ADAMTS19: variants seen among roughly 807,000 people sequenced by gnomAD.
ADAMTS19 encodes the protein ADAM metallopeptidase with thrombospondin type 1 motif 19.
In ADAMTS19, 93 loss-of-function variants were observed where a neutral mutation model predicts 153.3. The observed-to-expected ratio is 0.61, with a 90% confidence interval of 0.51 to 0.72. The LOEUF is 0.72. Among genes scored for constraint, ADAMTS19 ranks in the 30% least tolerant of loss-of-function variants. The probability of loss-of-function intolerance (pLI) is 0.00; values close to 1 mark genes in which losing one functional copy is unlikely to be tolerated. For synonymous variants in ADAMTS19, 600 were observed against 556.6 expected, an observed-to-expected ratio of 1.08 and a Z score of -1.10; for missense variants, 1,482 against 1,552.1, an observed-to-expected ratio of 0.95 and a Z score of 0.76.
At chr5:129,498,863 A>C (rs1233245081) in intron 2 of ADAMTS19, among the ~76,000 whole-genome samples, 2 of 143,128 alleles carry the variant, frequency 1.4e-5, no homozygotes, top group Non-Finnish European at 3.0e-5. Flanking sequence ...AGAATTTCTT[A>C]AGTGTATTTT....
intron 6 of ADAMTS19, among the ~76,000 whole-genome samples, chr5:129,542,730 T>TA (rs1244300174): frequency 6.6e-6 from 1 of 152,182 alleles, no homozygotes; most frequent in Non-Finnish European, 1.5e-5. Flanking sequence ...TTCAGAAAGA[T>TA]ATATATATTT....
intron 19 of ADAMTS19, among the ~76,000 whole-genome samples, chr5:129,698,633 T>C (rs1755680272): frequency 6.6e-6 from 1 of 152,202 alleles, no homozygotes. Context: ...TTTTTATAAT[T>C]ATATTGAGGA....
At position 129,707,481 on chromosome 5, in the gene ADAMTS19, T is replaced by C. The variant is rs552507042; in HGVS notation, c.3312+3090T>C. On this transcript the variant is annotated intron_variant, in intron 21 of 22. Transcript: ENST00000274487. ...AACAGTGTGCACAAATTAAAACCAG[T>C]GGCTCCACGTGAATTTTATTGGTTT... is the stretch of plus-strand genomic sequence containing the variant. Among the ~76,000 whole-genome samples the C allele has an allele frequency of 3.9e-5, 6 of 152,328 alleles. No homozygotes were observed. The South Asian group carries it at 1.2e-3, about 32-fold the overall frequency.
At chr5:129,545,785 G>T (rs937897565) in intron 6 of ADAMTS19, among the ~76,000 whole-genome samples, 3 of 150,816 alleles carry the variant, frequency 2.0e-5, no homozygotes, top group Non-Finnish European at 2.9e-5. Flanking sequence ...TACACTGTTG[G>T]TGGGACTGTA....
At chr5:129,531,953 A>G (rs1038986556) in intron 6 of ADAMTS19, among the ~76,000 whole-genome samples, 11 of 152,188 alleles carry the variant, frequency 7.2e-5, no homozygotes, top group African/African-American at 2.7e-4. Flanking sequence ...TACAAATGGA[A>G]TATCTGGACA....
At chr5:129,464,647 C>T (rs1274483681) in intron 2 of ADAMTS19, among the ~76,000 whole-genome samples, 1 of 152,208 alleles carries the variant, frequency 6.6e-6, no homozygotes, top group Non-Finnish European at 1.5e-5. Flanking sequence ...CCAGGTACTA[C>T]TCTAACTTGT....
intron 18 of ADAMTS19, among the ~76,000 whole-genome samples, chr5:129,687,310 A>G (rs1331316196): frequency 6.6e-6 from 1 of 152,076 alleles, no homozygotes; most frequent in Non-Finnish European, 1.5e-5. Context: ...GTTAAAATCC[A>G]TTTACATTTA....
At chr5:129,538,883 C>T (rs1752555307) in intron 6 of ADAMTS19, among the ~76,000 whole-genome samples, 1 of 151,912 alleles carries the variant, frequency 6.6e-6, no homozygotes, top group African/African-American at 2.4e-5. Flanking sequence ...ATATTATAAG[C>T]ATATTCTTAT....
At chr5:129,694,939 T>G in intron 19 of ADAMTS19, 84 bp downstream of exon 19, 8 of 1,303,980 alleles carry the variant, frequency 6.1e-6, no homozygotes, top group Middle Eastern at 2.0e-4. Flanking sequence ...ATCATTGAAA[T>G]CACATTTTCT....
chr5:129,613,929 C>A (rs6895411), intron 8 of ADAMTS19, among the ~76,000 whole-genome samples: 101,407 of 151,952 alleles, frequency 0.67, 35,828 homozygotes, highest in Non-Finnish European at 0.79. Flanking sequence ...TAAACTAGAA[C>A]ATCTAGAAGA....
At chr5:129,647,990 C>T in intron 12 of ADAMTS19, 95 bp downstream of exon 12, 1 of 1,370,306 alleles carries the variant, frequency 7.3e-7, no homozygotes, top group Non-Finnish European at 9.8e-7. Context: ...AAAGAAGCTC[C>T]TCAAACTCTA....
At chr5:129,527,203 C>A (rs1300230496) in intron 4 of ADAMTS19, among the ~76,000 whole-genome samples, 1 of 151,812 alleles carries the variant, frequency 6.6e-6, no homozygotes, top group Admixed American at 6.6e-5. Flanking sequence ...AAGGAAGAAT[C>A]AGAAGGTTGT....
intron 8 of ADAMTS19, among the ~76,000 whole-genome samples, chr5:129,602,668 A>G (rs1039263330): frequency 2.6e-5 from 4 of 152,068 alleles, no homozygotes; most frequent in African/African-American, 9.7e-5. Context: ...AGTTCTAATA[A>G]TTGGTTTATT....
intron 16 of ADAMTS19, among the ~76,000 whole-genome samples, chr5:129,671,164 C>A (rs994985506): frequency 9.2e-5 from 14 of 152,168 alleles, no homozygotes; most frequent in Non-Finnish European, 1.9e-4. Flanking sequence ...TTGGAGCACA[C>A]ATTCTTGGAG....
chr5:129,541,546 A>G (rs1053935388), intron 6 of ADAMTS19, among the ~76,000 whole-genome samples: 1 of 151,830 alleles, frequency 6.6e-6, no homozygotes, highest in African/African-American at 2.4e-5. Context: ...TTCCTTCTCC[A>G]TTTGTTTGCT....
intron 16 of ADAMTS19, 129 bp from the exon 17 acceptor site, chr5:129,679,635 T>A: frequency 1.1e-6 from 1 of 873,330 alleles, no homozygotes. Context: ...GCCTCAAGTT[T>A]TACATCAGGG....
intron 7 of ADAMTS19, among the ~76,000 whole-genome samples, chr5:129,579,695 C>T (rs1469699326): frequency 5.3e-5 from 8 of 152,112 alleles, no homozygotes; most frequent in African/African-American, 1.7e-4. Context: ...AATAGGGAAT[C>T]CTTTCCCCAT....
At chr5:129,533,973 A>C (rs1222623029) in intron 6 of ADAMTS19, among the ~76,000 whole-genome samples, 1 of 151,826 alleles carries the variant, frequency 6.6e-6, no homozygotes, top group Non-Finnish European at 1.5e-5. Flanking sequence ...GTTTGTTATA[A>C]TTTCTGTTCT....
intron 21 of ADAMTS19, among the ~76,000 whole-genome samples, chr5:129,732,009 TCAGA>T (rs1231954103): frequency 3.3e-5 from 5 of 152,128 alleles, no homozygotes; most frequent in Non-Finnish European, 7.4e-5. Flanking sequence ...CGGTATTTTC[TCAGA>T]CAAATTAGCA....
Sources: gnomAD v4.1 joint callset for allele counts (sites outside exome capture counted in the v4.1 genomes callset) on GRCh38, gnomAD v4.1.1 for gene constraint, MANE v1.5 for transcripts, NCBI Gene and HGNC (gene_info 2026-07-23, HGNC 2026-07-21) for gene names.